Variants in TMEM132B observed in about 807,000 individuals in gnomAD.
TMEM132B encodes the protein transmembrane protein 132B.
TMEM132B carries 18 observed loss-of-function variants against 90.8 expected under a neutral mutation model. The ratio of observed to expected loss-of-function variants is 0.20; its 90% CI spans 0.14 to 0.29. The LOEUF (loss-of-function observed/expected upper bound fraction) is 0.29. TMEM132B is among the 10% of genes least tolerant of loss of function. The pLI is 1.00. For synonymous variants in TMEM132B, 504 were observed against 523.3 expected (o/e 0.96, Z 0.50); for missense variants, 1,096 against 1,326.8 (o/e 0.83, Z 2.70).
intron 5 of TMEM132B, among the ~76,000 whole-genome samples, chr12:125,594,658 C>A (rs894551891): frequency 6.6e-6 from 1 of 152,044 alleles, no homozygotes; most frequent in Non-Finnish European, 1.5e-5. Context: ...TTTCAGTGTG[C>A]CATTTTGCCA....
At chr12:125,252,317 C>G (rs1874334673) in intron 1 of TMEM132B, among the ~76,000 whole-genome samples, 1 of 152,172 alleles carries the variant, frequency 6.6e-6, no homozygotes, top group Non-Finnish European at 1.5e-5. Flanking sequence ...CTAGTGAGTG[C>G]CTTTCTCCAG....
At position 125,283,526 on chromosome 12, in the gene TMEM132B, G is replaced by T. The variant is rs57799302; in HGVS notation, c.68-65926G>T. Among the ~76,000 whole-genome samples the T allele has an allele frequency of 1.6e-3, 239 of 152,278 alleles. 1 individual carries two copies. Among genetic ancestry groups the T allele is most frequent in the African/African-American group, 5.7e-3 (238 of 41,556 alleles). ...GAGTGCTAAAAACCAGGAAGATGCTGAGAACAAGTAATCTGGCCCGGGAAA... is the reference window on the plus strand; with the variant it reads ...GAGTGCTAAAAACCAGGAAGATGCTTAGAACAAGTAATCTGGCCCGGGAAA... On this transcript the variant is annotated intron_variant, in intron 1 of 8. Transcript: ENST00000682704.
chr12:125,452,762 A>G (rs1881188713), intron 3 of TMEM132B, among the ~76,000 whole-genome samples: 1 of 152,144 alleles, frequency 6.6e-6, no homozygotes, highest in Non-Finnish European at 1.5e-5. Context: ...TTTATTGGCC[A>G]TTTGTATTTC....
rs115139641 is a variant in TMEM132B at position 125,188,268 on chromosome 12, G to A, written c.67+1402G>A. On this transcript the variant is annotated intron_variant, in intron 1 of 8. Coordinates refer to ENST00000682704, the MANE Select transcript of TMEM132B (RefSeq NM_001366854.1). ...ATCTTGCCTGCTTGGCTAAGGAGCA[G>A]CTATGATAGCTGTTTTGCTTTCGGC... Among the ~76,000 whole-genome samples, 454 of 152,318 alleles carry A rather than the reference G, an allele frequency of 3.0e-3. 2 individuals carry two copies. Among genetic ancestry groups the A allele is most frequent in the African/African-American group, 0.011 (439 of 41,574 alleles).
chr12:125,364,427 T>C (rs1430637330), intron 2 of TMEM132B, among the ~76,000 whole-genome samples: 2 of 152,216 alleles, frequency 1.3e-5, no homozygotes, highest in Admixed American at 6.5e-5. Context: ...TATCTATCAA[T>C]CTATCTCTTC....
At chr12:125,242,838 A>C (rs889153897) in intron 1 of TMEM132B, among the ~76,000 whole-genome samples, 2 of 151,912 alleles carry the variant, frequency 1.3e-5, no homozygotes, top group East Asian at 3.9e-4. Flanking sequence ...TCTTTTTTTA[A>C]ATTATGTTAA....
chr12:125,265,732 G>GT (rs1005728583), intron 1 of TMEM132B, among the ~76,000 whole-genome samples: 14 of 152,010 alleles, frequency 9.2e-5, no homozygotes, highest in African/African-American at 3.4e-4. Flanking sequence ...CCCTTTACCT[G>GT]TTTTTTTACT....
intron 3 of TMEM132B, among the ~76,000 whole-genome samples, chr12:125,504,722 C>T (rs1427533851): frequency 6.6e-6 from 1 of 152,086 alleles, no homozygotes; most frequent in African/African-American, 2.4e-5. Context: ...GCAGCAGACA[C>T]TTGCAAGCAG....
Position 125,415,664 on chromosome 12 carries a change from G to T in TMEM132B, c.1093G>T (p.Asp365Tyr). ...CCTCACCTGCATGGGCCATCGCCCG[G>T]ACACGCAGAGCAGGTAAGCATGGAG... ...ATLTCMGHRP[D>Y]TQSRVNGSFY... The change falls in exon 3 of 9, where the codon GAC (aspartate) becomes TAC (tyrosine). Residue 365 changes from aspartate to tyrosine, a missense_variant. Coordinates refer to ENST00000682704, the MANE Select transcript of TMEM132B (RefSeq NM_001366854.1). The surrounding 1 kb of genome is among the most constrained non-coding windows in gnomAD (Gnocchi z 5.3). The T allele has an allele frequency of 6.2e-7, 1 of 1,614,138 alleles. No homozygotes were observed. Among genetic ancestry groups the T allele is most frequent in the Non-Finnish European group, 8.5e-7 (1 of 1,180,020 alleles).
At chr12:125,260,376 T>C (rs1186358050) in intron 1 of TMEM132B, among the ~76,000 whole-genome samples, 1 of 152,226 alleles carries the variant, frequency 6.6e-6, no homozygotes, top group Non-Finnish European at 1.5e-5. Flanking sequence ...TGTTTTTCTA[T>C]TTTTTAGAGA....
intron 2 of TMEM132B, among the ~76,000 whole-genome samples, chr12:125,363,009 T>A (rs983168880): frequency 6.6e-6 from 1 of 152,100 alleles, no homozygotes. Flanking sequence ...TGCCTCCAGT[T>A]TTTCACTGGC....
At chr12:125,326,685 A>G (rs773733104) in intron 1 of TMEM132B, 8 of 1,604,328 alleles carry the variant, frequency 5.0e-6, no homozygotes, top group Middle Eastern at 1.6e-4. Context: ...GGTCGGAAGG[A>G]AGGGAATGGC....
chr12:125,554,355 G>A (rs187905086), intron 4 of TMEM132B, among the ~76,000 whole-genome samples: 15 of 150,054 alleles, frequency 1.0e-4, no homozygotes, highest in African/African-American at 3.2e-4. Flanking sequence ...AATCTGGGAG[G>A]TGGAGCTTAC....
intron 5 of TMEM132B, among the ~76,000 whole-genome samples, chr12:125,610,617 ATC>A (rs138076677): frequency 2.6e-3 from 368 of 143,816 alleles, no homozygotes; most frequent in Middle Eastern, 7.2e-3. Flanking sequence ...ATGGTGTAAA[ATC>A]TCTCTCTCTC....
chr12:125,511,793 A>G (rs947436582), intron 3 of TMEM132B, among the ~76,000 whole-genome samples: 8 of 149,724 alleles, frequency 5.3e-5, no homozygotes, highest in African/African-American at 2.0e-4. Flanking sequence ...CGGAGCTTGC[A>G]GTGAGCCGAG....
chr12:125,237,203 G>A (rs1482562078), intron 1 of TMEM132B, among the ~76,000 whole-genome samples: 1 of 152,170 alleles, frequency 6.6e-6, no homozygotes, highest in Non-Finnish European at 1.5e-5. Flanking sequence ...GTTCCAGGTA[G>A]GAGGTTGTTA....
intron 4 of TMEM132B, among the ~76,000 whole-genome samples, chr12:125,521,930 T>C (rs1244964260): frequency 6.6e-6 from 1 of 152,152 alleles, no homozygotes; most frequent in Non-Finnish European, 1.5e-5. Context: ...AGGAACTGGA[T>C]TTGAGGGTGA....
rs149895428 is a variant in TMEM132B at position 125,637,555 on chromosome 12, T to C, written c.1438-6521T>C. Among the ~76,000 whole-genome samples the C allele has an allele frequency of 3.4e-3, 514 of 152,188 alleles. 7 individuals carry two copies. The highest frequency in any genetic ancestry group is 9.5e-3 in the African/African-American group (395 of 41,516). On this transcript the variant is annotated intron_variant, in intron 5 of 8. Transcript: ENST00000682704. ...TGAACATTGGTTCCATCCGGAAAGG[T>C]GGGACAACTGGAAGCAAAGTGGGGG...
intron 4 of TMEM132B, among the ~76,000 whole-genome samples, chr12:125,528,829 T>A (rs1246393138): frequency 6.6e-6 from 1 of 152,178 alleles, no homozygotes; most frequent in Non-Finnish European, 1.5e-5. Context: ...TCTCCAACCA[T>A]TTTTGGCACC....
Sources: allele counts gnomAD v4.1 joint callset (sites outside exome capture counted in the v4.1 genomes callset), GRCh38; gene constraint gnomAD v4.1.1; non-coding constraint Gnocchi (gnomAD v3.1); transcripts MANE v1.5; gene names NCBI Gene and HGNC (gene_info 2026-07-23, HGNC 2026-07-21).